Variants in C14orf39 observed in about 807,000 individuals in gnomAD.
The protein encoded by C14orf39 is chromosome 14 open reading frame 39.
C14orf39 carries 66 observed loss-of-function variants against 85.6 expected under a neutral mutation model. The observed-to-expected ratio is 0.77, with a 90% CI of 0.63 to 0.95. C14orf39 has a LOEUF of 0.95. Ranked by LOEUF, C14orf39 falls within the 40% of genes least tolerant of loss-of-function variation. The probability of loss-of-function intolerance (pLI) is 0.00; values close to 1 mark genes in which losing one functional copy is unlikely to be tolerated. For synonymous variants in C14orf39, 242 were observed against 214.0 expected (o/e 1.13, Z -1.14); for missense variants, 735 against 663.9 (o/e 1.11, Z -1.18).
At position 60,491,782 on chromosome 14, in the gene C14orf39, G is replaced by A. The variant is rs1397137298; in HGVS notation, c.-8-6696C>T. On this transcript the variant is annotated intron_variant, in intron 2 of 5. Coordinates refer to the C14orf39 transcript ENST00000556799. The surrounding 1 kb of genome is among the most constrained non-coding windows in gnomAD (Gnocchi z 4.5). ...CATTCTCTCTCCATCCTGTGACAGA[G>A]CAATTCTTAAATGTAAATATTCTCT... is the stretch of plus-strand genomic sequence containing the variant. Among the ~76,000 whole-genome samples the A allele has an allele frequency of 6.6e-6, 1 of 152,086 alleles. No homozygotes were observed. The highest frequency in any genetic ancestry group is 1.5e-5 in the Non-Finnish European group (1 of 68,006).
intron 14 of C14orf39, 121 bp downstream of exon 14, chr14:60,458,557 C>A (rs1891380725): frequency 1.6e-6 from 1 of 631,158 alleles, no homozygotes; most frequent in Non-Finnish European, 2.6e-6. Context: ...TCTCTAGAAA[C>A]CTGATCACCA....
rs909555784 is a variant in C14orf39 at position 60,437,008 on chromosome 14, G to A, written c.1601C>T (p.Thr534Ile). The A allele has an allele frequency of 4.3e-6, 7 of 1,610,386 alleles. No homozygotes were observed. The highest frequency in any genetic ancestry group is 1.3e-5 in the African/African-American group (1 of 74,758). The change falls in exon 18 of 18, where the codon ACA becomes ATA. Residue 534 changes from threonine to isoleucine, a missense_variant. Physicochemically the swap from Thr to Ile is moderately conservative, Grantham distance 89 (BLOSUM62 -1). Coordinates refer to ENST00000321731, the MANE Select transcript of C14orf39 (RefSeq NM_174978.3). ...TGAAGTGTCTGATGGAAAAGAAAAT[G>A]TAAAGCCATCTTCTCCTTCTGGCTT... The part of the protein sequence containing the change: ...LEKPEGEDGF[T>I]FSFPSDTSTH...
intron 4 of C14orf39, among the ~76,000 whole-genome samples, chr14:60,480,241 G>A (rs376780163): frequency 9.2e-5 from 14 of 152,162 alleles, no homozygotes; most frequent in Admixed American, 5.2e-4. Context: ...GGCCAATATG[G>A]TGAAACCCTG....
At chr14:60,501,322 A>G (rs1040876742) in intron 1 of C14orf39, among the ~76,000 whole-genome samples, 3 of 151,652 alleles carry the variant, frequency 2.0e-5, no homozygotes, top group Non-Finnish European at 4.4e-5. Context: ...AAAAAAAAAA[A>G]AAAGCAATCA....
intron 17 of C14orf39, among the ~76,000 whole-genome samples, chr14:60,439,849 G>T (rs1259709586): frequency 6.6e-6 from 1 of 152,176 alleles, no homozygotes; most frequent in Admixed American, 6.5e-5. Context: ...CGAGGCGGGT[G>T]GATCACCTGA....
chr14:60,511,287 G>C, intron 1 of C14orf39: 2 of 1,608,454 alleles, frequency 1.2e-6, no homozygotes, highest in Admixed American at 1.7e-5. Context: ...GCAGATTCCA[G>C]TGTAAAAACG....
At chr14:60,459,701 C>T (rs186792285) in intron 13 of C14orf39, among the ~76,000 whole-genome samples, 71 of 151,816 alleles carry the variant, frequency 4.7e-4, no homozygotes, top group African/African-American at 1.6e-3. Flanking sequence ...TGATACCTCA[C>T]TGTAGTTTTA....
At chr14:60,481,786 G>C (rs1233545450) in intron 4 of C14orf39, among the ~76,000 whole-genome samples, 3 of 151,770 alleles carry the variant, frequency 2.0e-5, no homozygotes, top group African/African-American at 7.3e-5. Context: ...TACCTTCTTT[G>C]CTCATTTTTC....
At chr14:60,453,856 T>C (rs1891143903) in intron 16 of C14orf39, among the ~76,000 whole-genome samples, 1 of 151,948 alleles carries the variant, frequency 6.6e-6, no homozygotes, top group Non-Finnish European at 1.5e-5. Flanking sequence ...TTATAAATTA[T>C]ATTGGGAAGA....
Position 60,503,156 on chromosome 14 carries a change from A to G in C14orf39, c.-143-3726T>C, listed in dbSNP as rs151072621. Among the ~76,000 whole-genome samples the G allele has an allele frequency of 3.0e-3, 452 of 152,334 alleles. 2 individuals are homozygous for G. The highest frequency in any genetic ancestry group is 0.01 in the African/African-American group (431 of 41,566). On this transcript the variant is annotated intron_variant, in intron 1 of 5. Transcript: ENST00000556799. ...TGCATTCAGTTCCATTTTTCCTGCC[A>G]ATACACAGTGTGCTGACTCAGAGAA...
intron 15 of C14orf39, 60 bp downstream of exon 15, chr14:60,456,857 A>C: frequency 7.3e-7 from 1 of 1,374,890 alleles, no homozygotes; most frequent in Non-Finnish European, 9.8e-7. Context: ...TATTCCTATC[A>C]GTTATTTATG....
At chr14:60,459,401 C>T (rs1024223) in intron 13 of C14orf39, among the ~76,000 whole-genome samples, 124,988 of 151,404 alleles carry the variant, frequency 0.83, 53,071 homozygotes, top group Non-Finnish European at 0.92. Context: ...TACCTAGGAT[C>T]GGAACTATGA....
chr14:60,473,058 C>T (rs1892181673), intron 5 of C14orf39, among the ~76,000 whole-genome samples: 1 of 152,192 alleles, frequency 6.6e-6, no homozygotes, highest in African/African-American at 2.4e-5. Flanking sequence ...ACATCCTCTC[C>T]AGCACCTGTT....
At position 60,461,344 on chromosome 14, in the gene C14orf39, C is replaced by T. The variant is rs377264478; in HGVS notation, c.1117+10G>A. 5.6e-5 allele frequency: 90 copies of T among 1,606,624 alleles called. No individual in the cohort carries two copies. Among genetic ancestry groups the T allele is most frequent in the South Asian group, 2.1e-4 (19 of 90,142 alleles). On this transcript the variant is annotated intron_variant, in intron 13 of 17. Transcript: ENST00000321731. ...CGACTTCTTAGAAGAAAAATATAAACGGCAAATACCTTTATCCCCTTTTTC... is the reference window on the plus strand; with the variant it reads ...CGACTTCTTAGAAGAAAAATATAAATGGCAAATACCTTTATCCCCTTTTTC...
intron 1 of C14orf39, among the ~76,000 whole-genome samples, chr14:60,504,364 C>T (rs1355770716): frequency 1.3e-5 from 2 of 152,202 alleles, no homozygotes; most frequent in Non-Finnish European, 2.9e-5. Context: ...ATGTATGACA[C>T]ATACAGTTTA....
Position 60,442,166 on chromosome 14 carries a change from A to T in C14orf39, c.1504-35T>A, listed in dbSNP as rs762879639. The T allele has an allele frequency of 1.2e-5, 17 of 1,365,220 alleles. No homozygotes were observed. The Middle Eastern group carries it at 5.6e-4, about 45-fold the overall frequency. The allele number at this position is 1,365,220 out of a possible 1,614,324, so 84.6% of individuals were successfully genotyped here. ...AATTTCCATTAAATATTACTTGTGAAATCAGTAGGACAGTATATATAGTAC... is the reference window on the plus strand; with the variant it reads ...AATTTCCATTAAATATTACTTGTGATATCAGTAGGACAGTATATATAGTAC... On this transcript the variant is annotated intron_variant, in intron 16 of 17. Coordinates refer to ENST00000321731, the MANE Select transcript of C14orf39 (RefSeq NM_174978.3).
intron 1 of C14orf39, among the ~76,000 whole-genome samples, chr14:60,514,925 C>A (rs922108593): frequency 4.6e-5 from 7 of 152,236 alleles, no homozygotes; most frequent in African/African-American, 9.6e-5. Flanking sequence ...TCAGGCGGCT[C>A]TGCGTAATCA....
At chr14:60,470,430 CATGATTT>C (rs1440612458) in intron 7 of C14orf39, among the ~76,000 whole-genome samples, 4 of 151,788 alleles carry the variant, frequency 2.6e-5, no homozygotes, top group Non-Finnish European at 5.9e-5. Context: ...TCAAGTGAAT[CATGATTT>C]ATAAGTCTAT....
chr14:60,451,913 T>TG (rs1166208029), intron 16 of C14orf39, among the ~76,000 whole-genome samples: 1 of 151,918 alleles, frequency 6.6e-6, no homozygotes, highest in Non-Finnish European at 1.5e-5. Context: ...CTGGGCATGG[T>TG]GGCTCACGCC....
Sources: allele counts gnomAD v4.1 joint callset (sites outside exome capture counted in the v4.1 genomes callset), GRCh38; gene constraint gnomAD v4.1.1; non-coding constraint Gnocchi (gnomAD v3.1); transcripts MANE v1.5; gene names NCBI Gene and HGNC (gene_info 2026-07-23, HGNC 2026-07-21).